Variants in EPS8 observed in about 807,000 individuals in gnomAD.
The protein encoded by EPS8 is EGFR pathway substrate 8, signaling adaptor.
In EPS8, 42 loss-of-function variants were observed where a neutral mutation model predicts 103.8. The observed-to-expected ratio is 0.40, with a 90% CI of 0.32 to 0.52. The LOEUF (loss-of-function observed/expected upper bound fraction) is 0.52, where lower values mean the gene tolerates loss of function less well. Among genes scored for constraint, EPS8 ranks in the 20% least tolerant of loss-of-function variants. EPS8 has a pLI of 0.40. For missense variants in EPS8, 969 were observed against 1,005.1 expected (o/e 0.96, Z 0.49); for synonymous variants, 344 against 344.6 (o/e 1.00, Z 0.02).
At position 15,771,716 on chromosome 12, in the gene EPS8, AAAAAAAAAAAG is replaced by A. The variant is rs763114436; in HGVS notation, c.-22+17434_-22+17444del. 1.8e-4 allele frequency among the ~76,000 whole-genome samples: 27 copies of A among 146,238 alleles called. No homozygotes were observed. The highest frequency in any genetic ancestry group is 2.1e-4 in the Admixed American group (3 of 14,534). ...GGGTAACAGAACAAGACTGTCTCTTAAAAAAAAAAAGAAAAGAAAAAGAAAAGAAATTCTTC... is the reference window on the plus strand; with the variant it reads ...GGGTAACAGAACAAGACTGTCTCTTAAAAAGAAAAAGAAAAGAAATTCTTC... On this transcript the variant is annotated intron_variant, in intron 1 of 20. Coordinates refer to ENST00000281172, the MANE Select transcript of EPS8 (RefSeq NM_004447.6). The surrounding 1 kb of genome is among the most constrained non-coding windows in gnomAD (Gnocchi z 4.6).
intron 8 of EPS8, chr12:15,662,767 G>GTA: frequency 6.7e-6 from 3 of 445,306 alleles, no homozygotes; most frequent in South Asian, 9.4e-5. Context: ...GTATGAGTCA[G>GTA]TTAATACTGC....
chr12:15,712,573 C>G (rs2135961920), intron 1 of EPS8, among the ~76,000 whole-genome samples: 1 of 152,276 alleles, frequency 6.6e-6, no homozygotes, highest in Middle Eastern at 3.4e-3. Context: ...AAATTATTCT[C>G]TTAAATACCA....
chr12:15,667,147 T>A (rs1045759358), intron 6 of EPS8, among the ~76,000 whole-genome samples: 1 of 152,166 alleles, frequency 6.6e-6, no homozygotes, highest in Non-Finnish European at 1.5e-5. Flanking sequence ...GGTTGCAAAG[T>A]TTGTTTAGAG....
chr12:15,626,070 A>G (rs942414095), intron 18 of EPS8, among the ~76,000 whole-genome samples: 2 of 152,122 alleles, frequency 1.3e-5, no homozygotes, highest in African/African-American at 4.8e-5. Context: ...AGACTTCTCA[A>G]CTCACTTAAT....
chr12:15,723,059 C>T (rs952057601), intron 1 of EPS8, among the ~76,000 whole-genome samples: 1 of 150,678 alleles, frequency 6.6e-6, no homozygotes, highest in Non-Finnish European at 1.5e-5. Flanking sequence ...CAGGGTGGCT[C>T]ATGTCTATAA....
intron 10 of EPS8, among the ~76,000 whole-genome samples, chr12:15,659,406 G>A (rs1044660202): frequency 2.0e-5 from 3 of 152,118 alleles, no homozygotes; most frequent in Admixed American, 2.0e-4. Flanking sequence ...ACTGGATACA[G>A]GAGATGTTGA....
chr12:15,704,321 A>G lies in EPS8; in HGVS notation c.-21-21349T>C, dbSNP rs1435656972. ...TCACGAGAGCCAAAAGGTAGATGCA[A>G]CCCAAGTGTTGTCCATTCACAGATG... On this transcript the variant is annotated intron_variant, in intron 1 of 20. Transcript: ENST00000281172. The surrounding 1 kb of genome is among the most constrained non-coding windows in gnomAD (Gnocchi z 4.6). Among the ~76,000 whole-genome samples the G allele has an allele frequency of 1.3e-5, 2 of 152,162 alleles. No individual in the cohort carries two copies. The highest frequency in any genetic ancestry group is 2.9e-5 in the Non-Finnish European group (2 of 68,028).
chr12:15,745,357 G>A lies in EPS8; in HGVS notation c.-22+43804C>T, dbSNP rs1484204799. ...CATGACGTTTGTGCGGGCCCTCCCC[G>A]TTCCCATAAAAAACATCAATAATTT... On this transcript the variant is annotated intron_variant, in intron 1 of 20. Transcript: ENST00000281172. This position sits in a 1 kb window ranked among gnomAD's most constrained non-coding sequence, Gnocchi z 4.6. 1.3e-5 allele frequency among the ~76,000 whole-genome samples: 2 copies of A among 152,052 alleles called. No individual in the cohort carries two copies. Among genetic ancestry groups the A allele is most frequent in the Admixed American group, 1.3e-4 (2 of 15,264 alleles).
At chr12:15,636,384 A>T (rs1490426594) in intron 17 of EPS8, among the ~76,000 whole-genome samples, 5 of 152,122 alleles carry the variant, frequency 3.3e-5, no homozygotes, top group African/African-American at 1.2e-4. Flanking sequence ...TTTATGTTTA[A>T]AACTTTGCTG....
chr12:15,662,999 C>CAAAAA (rs5796644), intron 8 of EPS8, among the ~76,000 whole-genome samples: 1 of 128,696 alleles, frequency 7.8e-6, no homozygotes. Context: ...CACTTGCCAA[C>CAAAAA]AAAAAAAAAA....
At position 15,700,994 on chromosome 12, in the gene EPS8, G is replaced by A. The variant is rs1489726590; in HGVS notation, c.-21-18022C>T. ...AATAGTCAAAAATTGGTAATGTAAG[G>A]TATATTATAAAGAATAAACTACTAC... On this transcript the variant is annotated intron_variant, in intron 1 of 20. Transcript: ENST00000281172. This position sits in a 1 kb window ranked among gnomAD's most constrained non-coding sequence, Gnocchi z 5.1. Among the ~76,000 whole-genome samples, 1 of 152,036 alleles carries A rather than the reference G, an allele frequency of 6.6e-6. No individual in the cohort carries two copies. Among genetic ancestry groups the A allele is most frequent in the East Asian group, 1.9e-4 (1 of 5,194 alleles).
chr12:15,683,798 C>G (rs1946049004), intron 1 of EPS8: 1 of 152,080 alleles, frequency 6.6e-6, no homozygotes, highest in Admixed American at 6.6e-5. Context: ...TCTTTTCACT[C>G]CTGGATATTT....
At chr12:15,642,944 A>T (rs1381610949) in intron 15 of EPS8, among the ~76,000 whole-genome samples, 2 of 152,210 alleles carry the variant, frequency 1.3e-5, no homozygotes, top group Admixed American at 1.3e-4. Flanking sequence ...GCATGTAAGA[A>T]CAGCTTATTG....
In EPS8 at chr12:15,697,124, T is replaced by C. The variant is rs1016327941; in HGVS notation, c.-21-14152A>G. Among the ~76,000 whole-genome samples, 1 of 151,984 alleles carries C rather than the reference T, an allele frequency of 6.6e-6. No homozygotes were observed. The highest frequency in any genetic ancestry group is 1.5e-5 in the Non-Finnish European group (1 of 68,020). On this transcript the variant is annotated intron_variant, in intron 1 of 20. Transcript: ENST00000281172. The surrounding 1 kb of genome is among the most constrained non-coding windows in gnomAD (Gnocchi z 5.6). Reference sequence around the variant, plus strand: ...GCCTATAGACTGAAGAAGGGAAAACTTGAGGGACAAGCACAAACTGATTTG... The same window carrying C: ...GCCTATAGACTGAAGAAGGGAAAACCTGAGGGACAAGCACAAACTGATTTG...
In EPS8 at chr12:15,747,484, T is replaced by C. The variant is rs1396690719; in HGVS notation, c.-22+41677A>G. ...CAGTACTACCAATTCAGTAATCTTA[T>C]AAGTTAAATTATTTTTGTGAACTGA... On this transcript the variant is annotated intron_variant, in intron 1 of 20. Transcript: ENST00000281172. The surrounding 1 kb of genome is among the most constrained non-coding windows in gnomAD (Gnocchi z 4.4). Among the ~76,000 whole-genome samples the C allele has an allele frequency of 1.3e-5, 2 of 152,178 alleles. No individual in the cohort carries two copies. Among genetic ancestry groups the C allele is most frequent in the Non-Finnish European group, 2.9e-5 (2 of 68,024 alleles).
intron 1 of EPS8, among the ~76,000 whole-genome samples, chr12:15,763,147 C>T (rs865808976): frequency 7.2e-5 from 11 of 151,992 alleles, no homozygotes; most frequent in African/African-American, 9.7e-5. Context: ...CTCATACAGG[C>T]TTATATTTTA....
chr12:15,667,359 C>T (rs954603087), intron 6 of EPS8, among the ~76,000 whole-genome samples: 1 of 151,976 alleles, frequency 6.6e-6, no homozygotes, highest in African/African-American at 2.4e-5. Flanking sequence ...CTGAGGAGTA[C>T]TTGTATAAAA....
chr12:15,742,452 C>T (rs895880329), intron 1 of EPS8, among the ~76,000 whole-genome samples: 1 of 151,974 alleles, frequency 6.6e-6, no homozygotes, highest in African/African-American at 2.4e-5. Flanking sequence ...ATTTGCATTT[C>T]AACAAAAAAA....
chr12:15,630,134 AAG>A (rs1945018441), intron 18 of EPS8, among the ~76,000 whole-genome samples: 2 of 151,968 alleles, frequency 1.3e-5, no homozygotes, highest in South Asian at 4.2e-4. Flanking sequence ...GCAGAACCCT[AAG>A]AGAGGCCCAC....
Sources: gnomAD v4.1 joint callset for allele counts (sites outside exome capture counted in the v4.1 genomes callset) on GRCh38, gnomAD v4.1.1 for gene constraint, Gnocchi (gnomAD v3.1) non-coding constraint, MANE v1.5 for transcripts, NCBI Gene and HGNC (gene_info 2026-07-23, HGNC 2026-07-21) for gene names.